Variants in DOCK9 observed in about 807,000 individuals in gnomAD.
DOCK9 encodes the protein dedicator of cytokinesis protein 9.
Under a neutral mutation model 263.3 loss-of-function variants are expected in DOCK9, and 89 were observed. The ratio of observed to expected loss-of-function variants is 0.34; its 90% CI spans 0.28 to 0.40. The LOEUF (loss-of-function observed/expected upper bound fraction) is 0.40, where lower values mean the gene tolerates loss of function less well. Among genes scored for constraint, DOCK9 ranks in the 10% least tolerant of loss-of-function variants. The pLI is 1.00. For synonymous variants in DOCK9, 976 were observed against 973.1 expected (o/e 1.00, Z -0.06); for missense variants, 2,140 against 2,603.4 (o/e 0.82, Z 3.87).
chr13:99,082,832 G>T (rs951187371), intron 1 of DOCK9, among the ~76,000 whole-genome samples: 4 of 152,152 alleles, frequency 2.6e-5, no homozygotes, highest in African/African-American at 7.2e-5. Context: ...CCCCAACAAG[G>T]TTAAGTTATA....
intron 1 of DOCK9, among the ~76,000 whole-genome samples, chr13:98,975,247 C>T (rs1427436779): frequency 4.6e-5 from 7 of 151,610 alleles, no homozygotes; most frequent in African/African-American, 1.7e-4. Context: ...GGCATGGTGG[C>T]GGGCACCTAT....
chr13:98,968,785 T>C (rs1049897051), intron 1 of DOCK9, among the ~76,000 whole-genome samples: 1 of 152,182 alleles, frequency 6.6e-6, no homozygotes, highest in African/African-American at 2.4e-5. Context: ...AGACAATAGT[T>C]TGGAAAAGCA....
chr13:98,827,911 A>G (rs2092608994), intron 43 of DOCK9, among the ~76,000 whole-genome samples: 1 of 152,192 alleles, frequency 6.6e-6, no homozygotes, highest in South Asian at 2.1e-4. Flanking sequence ...TCCCGCCAAA[A>G]TTCATGGCCT....
At chr13:98,844,240 C>G (rs1430306561) in intron 38 of DOCK9, among the ~76,000 whole-genome samples, 1 of 152,230 alleles carries the variant, frequency 6.6e-6, no homozygotes, top group Non-Finnish European at 1.5e-5. Flanking sequence ...AATTTGCATT[C>G]TACAGCTAAG....
chr13:99,007,048 C>T (rs1374036056), intron 1 of DOCK9, among the ~76,000 whole-genome samples: 1 of 152,088 alleles, frequency 6.6e-6, no homozygotes, highest in Admixed American at 6.6e-5. Context: ...GCCAAGATTG[C>T]ACCACTGTAC....
intron 2 of DOCK9, among the ~76,000 whole-genome samples, chr13:98,946,527 A>G (rs925057917): frequency 2.0e-5 from 3 of 152,118 alleles, no homozygotes; most frequent in African/African-American, 7.2e-5. Context: ...TGGAGCTGGC[A>G]GTATTTCTCC....
intron 1 of DOCK9, among the ~76,000 whole-genome samples, chr13:98,993,063 C>G (rs1880185749): frequency 6.6e-6 from 1 of 152,196 alleles, no homozygotes; most frequent in Non-Finnish European, 1.5e-5. Context: ...TAGGTGGAAT[C>G]AGAATGAAGA....
At position 98,914,323 on chromosome 13, in the gene DOCK9, G is replaced by C. The variant is rs2050541304; in HGVS notation, c.960+5C>G. On this transcript the variant is annotated splice_donor_5th_base_variant and intron_variant, in intron 9 of 52. Transcript: ENST00000682017. ...CGAAGAGCAGAAGATATAAGACGATGTTACCTTGGCAAGTTCCGGCAGGTA... is the reference window on the plus strand; with the variant it reads ...CGAAGAGCAGAAGATATAAGACGATCTTACCTTGGCAAGTTCCGGCAGGTA... 6.2e-7 allele frequency: 1 copy of C among 1,606,468 alleles called. No homozygotes were observed. Among genetic ancestry groups the C allele is most frequent in the African/African-American group, 1.3e-5 (1 of 74,820 alleles).
rs188658119 is a variant in DOCK9 at position 99,023,292 on chromosome 13, C to T, written c.129+62931G>A. Among the ~76,000 whole-genome samples, 134 of 152,320 alleles carry T rather than the reference C, an allele frequency of 8.8e-4. 2 individuals are homozygous for T. The Middle Eastern group carries it at 0.017, about 19-fold the overall frequency. ...TGGTATCTACACACACAATGGAATA[C>T]TATTCAGCCTTAAAATGCAAGAAAT... On this transcript the variant is annotated intron_variant, in intron 1 of 32. Coordinates refer to the DOCK9 transcript ENST00000427887.
At chr13:99,009,794 T>A (rs973139413) in intron 1 of DOCK9, among the ~76,000 whole-genome samples, 1 of 152,154 alleles carries the variant, frequency 6.6e-6, no homozygotes, top group Non-Finnish European at 1.5e-5. Flanking sequence ...GTTAAATAAG[T>A]ACATGATCAA....
chr13:99,030,777 A>C (rs1185136079), intron 1 of DOCK9, among the ~76,000 whole-genome samples: 1 of 152,220 alleles, frequency 6.6e-6, no homozygotes, highest in Non-Finnish European at 1.5e-5. Context: ...TTGACTTTGA[A>C]AACGAATGTG....
chr13:99,035,816 C>T (rs960724283), intron 1 of DOCK9, among the ~76,000 whole-genome samples: 4 of 152,114 alleles, frequency 2.6e-5, no homozygotes, highest in African/African-American at 4.8e-5. Flanking sequence ...GATACTTCTG[C>T]GAAGGTAATT....
In DOCK9 at chr13:98,849,960, C is replaced by T; in HGVS notation, c.4013+87G>A. 5.2e-6 allele frequency: 5 copies of T among 963,476 alleles called. No individual in the cohort carries two copies. The South Asian group carries it at 7.4e-5, about 14-fold the overall frequency. 59.7% of individuals were successfully genotyped at this position (963,476 alleles called of 1,614,324 possible). On this transcript the variant is annotated intron_variant, in intron 36 of 52. Transcript: ENST00000682017. ...AGTGAGGATGTGACATACACTACTCCTCTGGTTCAACTACATAGTATTCTT... is the reference window on the plus strand; with the variant it reads ...AGTGAGGATGTGACATACACTACTCTTCTGGTTCAACTACATAGTATTCTT...
chr13:98,860,485 T>G lies in DOCK9; in HGVS notation c.3617A>C (p.Asn1206Thr). The part of the protein sequence containing the change: ...KDESLALPAV[N>T]PLVTPQKGST... ...TCCCTTCTGCGGCGTCACCAGCGGATTCACAGCTGGTAGAGCCAGGGATTC... is the reference window on the plus strand; with the variant it reads ...TCCCTTCTGCGGCGTCACCAGCGGAGTCACAGCTGGTAGAGCCAGGGATTC... The change falls in exon 33 of 53, where the codon AAT becomes ACT. Residue 1206 changes from asparagine (N) to threonine (T), a missense_variant. By Grantham distance (65) the Asn-to-Thr change is moderately conservative (BLOSUM62 0). Coordinates refer to ENST00000682017, the MANE Select transcript of DOCK9 (RefSeq NM_001366683.2). 1 of 1,583,194 alleles carries G rather than the reference T, an allele frequency of 6.3e-7. No homozygotes were observed. The highest frequency in any genetic ancestry group is 8.6e-7 in the Non-Finnish European group (1 of 1,163,378).
At chr13:98,848,893 A>G (rs2093473528) in intron 36 of DOCK9, among the ~76,000 whole-genome samples, 1 of 152,166 alleles carries the variant, frequency 6.6e-6, no homozygotes, top group Admixed American at 6.5e-5. Context: ...AAAGCAACAC[A>G]GCGCAGAGGC....
intron 1 of DOCK9, among the ~76,000 whole-genome samples, chr13:99,078,007 A>C (rs1241875936): frequency 6.6e-6 from 1 of 152,226 alleles, no homozygotes; most frequent in African/African-American, 2.4e-5. Context: ...GAAGAGACAC[A>C]GGAGGAGTTA....
intron 2 of DOCK9, among the ~76,000 whole-genome samples, chr13:98,952,844 T>TA (rs1383736711): frequency 6.6e-6 from 1 of 152,242 alleles, no homozygotes; most frequent in East Asian, 1.9e-4. Context: ...ATAGTTAACT[T>TA]ATACTGCTAA....
chr13:98,929,544 C>T (rs957233279), intron 3 of DOCK9, among the ~76,000 whole-genome samples: 1 of 151,672 alleles, frequency 6.6e-6, no homozygotes, highest in African/African-American at 2.4e-5. Flanking sequence ...GACTCTGTCT[C>T]AAAAAATAAA....
chr13:98,794,943 C>T (rs2089175289), intron 52 of DOCK9, among the ~76,000 whole-genome samples, 195 bp from the exon 53 acceptor site: 1 of 152,220 alleles, frequency 6.6e-6, no homozygotes, highest in South Asian at 2.1e-4. Context: ...CACCCCACAT[C>T]ACACACACAA....
Sources: gnomAD v4.1 joint callset for allele counts (sites outside exome capture counted in the v4.1 genomes callset) on GRCh38, gnomAD v4.1.1 for gene constraint, MANE v1.5 for transcripts, NCBI Gene and HGNC (gene_info 2026-07-23, HGNC 2026-07-21) for gene names.